Variants in CACNA2D3 observed in about 807,000 individuals in gnomAD.
CACNA2D3 encodes the protein calcium voltage-gated channel auxiliary subunit alpha2delta 3.
A neutral mutation model predicts 160.6 loss-of-function variants in CACNA2D3; 60 were observed. The ratio of observed to expected loss-of-function variants is 0.37; its 90% CI spans 0.30 to 0.46. CACNA2D3 has a LOEUF of 0.46. Among genes scored for constraint, CACNA2D3 ranks in the 20% least tolerant of loss-of-function variants. The probability of loss-of-function intolerance (pLI) is 1.00; values close to 1 mark genes in which losing one functional copy is unlikely to be tolerated. For synonymous variants in CACNA2D3, 558 were observed against 492.9 expected, an observed-to-expected ratio of 1.13 and a Z score of -1.75; for missense variants, 1,205 against 1,365.0, an observed-to-expected ratio of 0.88 and a Z score of 1.85.
At position 54,503,500 on chromosome 3, in the gene CACNA2D3, C is replaced by T. The variant is rs767853235; in HGVS notation, c.390C>T (p.Tyr130=). The stretch of plus-strand genomic sequence containing the variant: ...TTGACTTTGTCTTTCAGTATGAATA[C>T]TTCAATGCTGTGCTGATAAATGAAA... ...HEFDADLQYE[Y]FNAVLINERD... is the part of the protein sequence containing the mutation. Residue 130 remains tyrosine, a synonymous_variant, in exon 5 of 38, where the codon TAC becomes TAT. Coordinates refer to ENST00000474759, the MANE Select transcript of CACNA2D3 (RefSeq NM_018398.3). The T allele has an allele frequency of 1.2e-6, 2 of 1,613,844 alleles. No individual in the cohort carries two copies. Among genetic ancestry groups the T allele is most frequent in the Non-Finnish European group, 1.7e-6 (2 of 1,179,780 alleles).
At chr3:54,882,057 C>A (rs1428558131) in intron 21 of CACNA2D3, among the ~76,000 whole-genome samples, 1 of 152,228 alleles carries the variant, frequency 6.6e-6, no homozygotes, top group Admixed American at 6.5e-5. Flanking sequence ...CACCAAAGAG[C>A]TAACCATGTG....
chr3:54,184,114 T>C (rs140984996), intron 2 of CACNA2D3, among the ~76,000 whole-genome samples: 174 of 152,200 alleles, frequency 1.1e-3, no homozygotes, highest in Non-Finnish European at 1.9e-3. Context: ...CATGTTGTTT[T>C]CTATCTCTTT....
chr3:54,172,381 C>T (rs1427377118), intron 2 of CACNA2D3, among the ~76,000 whole-genome samples: 1 of 152,176 alleles, frequency 6.6e-6, no homozygotes, highest in African/African-American at 2.4e-5. Flanking sequence ...TTGTGGGTTT[C>T]CCCCCTCTCT....
chr3:54,958,624 A>G (rs1019064905), intron 27 of CACNA2D3, among the ~76,000 whole-genome samples: 3 of 152,194 alleles, frequency 2.0e-5, no homozygotes, highest in African/African-American at 7.2e-5. Context: ...TTCTGGAACT[A>G]ATAGCAAAGT....
Position 55,028,345 on chromosome 3 carries a change from C to T in CACNA2D3, c.2987+10028C>T, listed in dbSNP as rs368138512. Reference sequence around the variant, plus strand: ...GAGCCTAAAAGAAAATAAGAATTTACATAAGAATGTCATTAGGGTTGGTGG... The same window carrying T: ...GAGCCTAAAAGAAAATAAGAATTTATATAAGAATGTCATTAGGGTTGGTGG... On this transcript the variant is annotated intron_variant, in intron 35 of 37. Coordinates refer to ENST00000474759, the MANE Select transcript of CACNA2D3 (RefSeq NM_018398.3). Among the ~76,000 whole-genome samples the T allele has an allele frequency of 7.9e-5, 12 of 152,252 alleles. No homozygotes were observed. The East Asian group carries it at 1.9e-3, about 24-fold the overall frequency.
chr3:54,475,788 A>G (rs1700818112), intron 4 of CACNA2D3, among the ~76,000 whole-genome samples: 2 of 92,230 alleles, frequency 2.2e-5, no homozygotes, highest in East Asian at 6.9e-4. Context: ...TAACATATCC[A>G]TCTTCTCACA....
At chr3:54,195,182 C>A (rs1701056426) in intron 2 of CACNA2D3, among the ~76,000 whole-genome samples, 1 of 151,808 alleles carries the variant, frequency 6.6e-6, no homozygotes, top group Non-Finnish European at 1.5e-5. Flanking sequence ...GGGTTAGGCC[C>A]AGGAATCAGC....
chr3:54,335,479 G>C (rs569505625), intron 3 of CACNA2D3, among the ~76,000 whole-genome samples: 3 of 152,198 alleles, frequency 2.0e-5, no homozygotes, highest in Admixed American at 1.3e-4. Flanking sequence ...TTTGTAAACT[G>C]TCATGGTGCT....
At chr3:54,787,734 G>A (rs1234419175) in intron 13 of CACNA2D3, among the ~76,000 whole-genome samples, 1 of 152,152 alleles carries the variant, frequency 6.6e-6, no homozygotes, top group Non-Finnish European at 1.5e-5. Context: ...TGGATGATAA[G>A]GATTATTTAG....
intron 27 of CACNA2D3, among the ~76,000 whole-genome samples, chr3:54,945,933 G>A (rs1365833632): frequency 6.6e-6 from 1 of 152,168 alleles, no homozygotes; most frequent in Non-Finnish European, 1.5e-5. Context: ...TAAAGGAGGA[G>A]GCCTGACCTC....
intron 4 of CACNA2D3, among the ~76,000 whole-genome samples, chr3:54,416,585 T>A (rs1369365178): frequency 2.0e-5 from 3 of 152,240 alleles, no homozygotes; most frequent in Non-Finnish European, 4.4e-5. Context: ...AAGCTGATTC[T>A]TTCTTTAAAA....
At chr3:54,697,463 G>A (rs1280530545) in intron 11 of CACNA2D3, among the ~76,000 whole-genome samples, 2 of 152,150 alleles carry the variant, frequency 1.3e-5, no homozygotes, top group Non-Finnish European at 2.9e-5. Context: ...TAGAGCATCA[G>A]CTTTTCTAAT....
At chr3:54,234,451 A>G (rs1195739911) in intron 2 of CACNA2D3, among the ~76,000 whole-genome samples, 3 of 152,340 alleles carry the variant, frequency 2.0e-5, no homozygotes, top group East Asian at 1.9e-4. Context: ...CAGTATGGCA[A>G]TTCCTCAAAG....
chr3:54,543,258 C>T (rs1353229444), intron 5 of CACNA2D3, among the ~76,000 whole-genome samples: 2 of 152,232 alleles, frequency 1.3e-5, no homozygotes, highest in African/African-American at 4.8e-5. Flanking sequence ...CGGAGGGTGG[C>T]GTTAGGTTGT....
chr3:54,207,434 A>C (rs1394673730), intron 2 of CACNA2D3, among the ~76,000 whole-genome samples: 1 of 142,138 alleles, frequency 7.0e-6, no homozygotes, highest in Non-Finnish European at 1.5e-5. Context: ...GGGTGGATAC[A>C]TTATGCTTTT....
intron 14 of CACNA2D3, among the ~76,000 whole-genome samples, chr3:54,830,951 G>A (rs918993045): frequency 3.3e-5 from 5 of 151,914 alleles, no homozygotes; most frequent in Admixed American, 1.3e-4. Flanking sequence ...ACACCGCTGC[G>A]TATTCACAAG....
chr3:54,519,251 G>A (rs1346863036), intron 5 of CACNA2D3, among the ~76,000 whole-genome samples: 1 of 152,212 alleles, frequency 6.6e-6, no homozygotes, highest in East Asian at 1.9e-4. Context: ...TAAGATGAGA[G>A]GTCAGTGTCC....
Position 54,495,267 on chromosome 3 carries a change from T to A in CACNA2D3, c.382-8225T>A, listed in dbSNP as rs149308549. On this transcript the variant is annotated intron_variant, in intron 4 of 37. Coordinates refer to ENST00000474759, the MANE Select transcript of CACNA2D3 (RefSeq NM_018398.3). ...TAAAAAATGGTTAGGGATGGAATTT[T>A]TTAACTTGAGTTCTGTTTCTATAAA... is the stretch of plus-strand genomic sequence containing the variant. 3.6e-3 allele frequency among the ~76,000 whole-genome samples: 544 copies of A among 151,214 alleles called. 7 individuals carry two copies. The highest frequency in any genetic ancestry group is 0.013 in the African/African-American group (513 of 40,464).
intron 2 of CACNA2D3, among the ~76,000 whole-genome samples, chr3:54,256,244 G>A (rs1179095751): frequency 6.6e-6 from 1 of 152,186 alleles, no homozygotes; most frequent in African/African-American, 2.4e-5. Context: ...GGAAGAGGAA[G>A]TCCTCAGGAT....
Sources: allele counts gnomAD v4.1 joint callset (sites outside exome capture counted in the v4.1 genomes callset), GRCh38; gene constraint gnomAD v4.1.1; transcripts MANE v1.5; gene names NCBI Gene and HGNC (gene_info 2026-07-23, HGNC 2026-07-21).